Variants in SH3PXD2A observed in about 807,000 individuals in gnomAD.
SH3PXD2A encodes SH3 and PX domain-containing protein 2A.
Under a neutral mutation model 115.2 loss-of-function variants are expected in SH3PXD2A, and 32 were observed. That is an observed-to-expected ratio of 0.28 (90% CI 0.21 to 0.37). The LOEUF is 0.37. Ranked by LOEUF, SH3PXD2A falls within the 10% of genes least tolerant of loss-of-function variation. SH3PXD2A has a pLI of 1.00. For missense variants in SH3PXD2A, 1,328 were observed against 1,498.7 expected (o/e 0.89, Z 1.88); for synonymous variants, 610 against 629.1 (o/e 0.97, Z 0.45).
intron 1 of SH3PXD2A, among the ~76,000 whole-genome samples, chr10:103,852,461 G>A (rs890179624): frequency 1.6e-4 from 24 of 152,230 alleles, no homozygotes; most frequent in Admixed American, 3.3e-4. Context: ...CGCACATCCC[G>A]TAAAACCTCT....
At chr10:103,851,611 A>G (rs1842897377) in intron 1 of SH3PXD2A, among the ~76,000 whole-genome samples, 1 of 152,212 alleles carries the variant, frequency 6.6e-6, no homozygotes, top group Non-Finnish European at 1.5e-5. Flanking sequence ...AAGTTGGTGA[A>G]TTGCTCCAAG....
Position 103,759,943 on chromosome 10 carries a change from T to G in SH3PXD2A, c.229+7151A>C, listed in dbSNP as rs888100478. 2.0e-5 allele frequency among the ~76,000 whole-genome samples: 3 copies of G among 152,354 alleles called. No individual in the cohort carries two copies. The East Asian group carries it at 5.8e-4, about 29-fold the overall frequency. ...GGCACACTTCTGAGCCAATTCTCCC[T>G]GGGCCTCCTGCTGTTGTACATGTCT... is the stretch of plus-strand genomic sequence containing the variant. On this transcript the variant is annotated intron_variant, in intron 3 of 14. Transcript: ENST00000369774.
chr10:103,738,903 T>A lies in SH3PXD2A; in HGVS notation c.230-3095A>T, dbSNP rs1010238190. 2.0e-5 allele frequency among the ~76,000 whole-genome samples: 3 copies of A among 151,974 alleles called. 1 individual carries two copies. The highest frequency in any genetic ancestry group is 2.0e-4 in the Admixed American group (3 of 15,250). Reference sequence around the variant, plus strand: ...TCTGCCTCCCGGGTTCAAGCAATTCTCCTACTTCAGCCTCCCGAGTAGCTG... The same window carrying A: ...TCTGCCTCCCGGGTTCAAGCAATTCACCTACTTCAGCCTCCCGAGTAGCTG... On this transcript the variant is annotated intron_variant, in intron 3 of 14. Coordinates refer to ENST00000369774, the MANE Select transcript of SH3PXD2A (RefSeq NM_001394015.1).
intron 1 of SH3PXD2A, among the ~76,000 whole-genome samples, chr10:103,819,393 G>A (rs1160054960): frequency 2.6e-5 from 4 of 152,120 alleles, no homozygotes; most frequent in African/African-American, 9.7e-5. Context: ...GGTACCCTAG[G>A]CAAAAGAAAC....
At position 103,627,065 on chromosome 10, in the gene SH3PXD2A, C is replaced by A; in HGVS notation, c.718+24G>T. 7.4e-7 allele frequency: 1 copy of A among 1,350,124 alleles called. No homozygotes were observed. Among genetic ancestry groups the A allele is most frequent in the Non-Finnish European group, 1.1e-6 (1 of 939,162 alleles). The allele number at this position is 1,350,124 out of a possible 1,614,324, so 83.6% of individuals were successfully genotyped here. On this transcript the variant is annotated intron_variant, in intron 9 of 14. Coordinates refer to ENST00000369774, the MANE Select transcript of SH3PXD2A (RefSeq NM_001394015.1). This position sits in a 1 kb window ranked among gnomAD's most constrained non-coding sequence, Gnocchi z 4.4. The stretch of plus-strand genomic sequence containing the variant: ...CCTCCAGAGGCCGCGTTGCTCCCTG[C>A]CCCTTGGACCTGCAAGCCCTCACCT...
intron 6 of SH3PXD2A, among the ~76,000 whole-genome samples, chr10:103,677,577 T>C (rs1003724449): frequency 2.4e-4 from 37 of 152,186 alleles, no homozygotes; most frequent in African/African-American, 8.9e-4. Context: ...CAAGGTTTTC[T>C]GTCTCCCTTA....
chr10:103,609,628 G>C (rs1293662694), intron 13 of SH3PXD2A: 1 of 152,218 alleles, frequency 6.6e-6, no homozygotes, highest in Non-Finnish European at 1.5e-5. Flanking sequence ...AAGGCACCGA[G>C]CGCCCAGTAG....
Position 103,767,810 on chromosome 10 carries a change from G to T in SH3PXD2A, c.154-641C>A, listed in dbSNP as rs867416828. Among the ~76,000 whole-genome samples, 431 of 67,600 alleles carry T rather than the reference G, an allele frequency of 6.4e-3. 7 individuals carry two copies. Among genetic ancestry groups the T allele is most frequent in the African/African-American group, 0.016 (287 of 17,646 alleles). 44.3% of individuals were successfully genotyped at this position (67,600 alleles called of 152,430 possible). A position where few individuals can be genotyped will look rare whatever the true frequency, so the allele number is the denominator to read the frequency against. On this transcript the variant is annotated intron_variant, in intron 2 of 14. Coordinates refer to ENST00000369774, the MANE Select transcript of SH3PXD2A (RefSeq NM_001394015.1). The stretch of plus-strand genomic sequence containing the variant: ...AGGGTTCTGGAGGAACAACTGTTTT[G>T]TTTTTTTTTTTTTTTTTTTTTTTTG...
intron 2 of SH3PXD2A, among the ~76,000 whole-genome samples, chr10:103,795,906 G>T (rs2039081682): frequency 1.0e-5 from 1 of 95,602 alleles, no homozygotes; most frequent in African/African-American, 3.6e-5. Flanking sequence ...GGGAGGAAAA[G>T]GAAGGAAGGA....
At chr10:103,713,317 T>G (rs1381025128) in intron 5 of SH3PXD2A, among the ~76,000 whole-genome samples, 1 of 152,182 alleles carries the variant, frequency 6.6e-6, no homozygotes, top group Non-Finnish European at 1.5e-5. Context: ...GACTGTTGCA[T>G]GCTTGGACCA....
chr10:103,803,990 T>C (rs1335879313), intron 1 of SH3PXD2A, among the ~76,000 whole-genome samples: 2 of 152,210 alleles, frequency 1.3e-5, no homozygotes, highest in African/African-American at 2.4e-5. Flanking sequence ...CATACTCTGA[T>C]TGGCAATTGG....
intron 1 of SH3PXD2A, among the ~76,000 whole-genome samples, chr10:103,834,437 G>A (rs911262664): frequency 9.9e-5 from 15 of 152,242 alleles, no homozygotes; most frequent in African/African-American, 3.4e-4. Flanking sequence ...GTGGTCACAG[G>A]TGATGGCTAA....
chr10:103,790,159 CTTTT>C (rs1267623695), intron 2 of SH3PXD2A, among the ~76,000 whole-genome samples: 1 of 144,936 alleles, frequency 6.9e-6, no homozygotes, highest in Non-Finnish European at 1.5e-5. Context: ...AGAGGACTTT[CTTTT>C]TTTTTTTTTG....
At chr10:103,718,006 G>C (rs1002724237) in intron 5 of SH3PXD2A, among the ~76,000 whole-genome samples, 1 of 60,906 alleles carries the variant, frequency 1.6e-5, no homozygotes, top group Non-Finnish European at 2.9e-5. Context: ...GCTTCCATGT[G>C]TCTTTTTTTT....
At chr10:103,673,751 C>T (rs929297794) in intron 6 of SH3PXD2A, among the ~76,000 whole-genome samples, 2 of 152,122 alleles carry the variant, frequency 1.3e-5, no homozygotes, top group Non-Finnish European at 2.9e-5. Context: ...CTAATAAATC[C>T]AGAGTGGGCC....
intron 5 of SH3PXD2A, among the ~76,000 whole-genome samples, chr10:103,698,320 C>T (rs1023639248): frequency 1.7e-4 from 26 of 152,352 alleles, no homozygotes; most frequent in African/African-American, 6.3e-4. Flanking sequence ...CTGCCCGCCA[C>T]ACCCCTCACC....
chr10:103,751,730 TA>T (rs1231405300), intron 3 of SH3PXD2A, among the ~76,000 whole-genome samples: 1 of 152,120 alleles, frequency 6.6e-6, no homozygotes, highest in African/African-American at 2.4e-5. Context: ...CAGGCAGTGT[TA>T]AGGAAGGTTT....
chr10:103,847,558 AG>A (rs1310229973), intron 1 of SH3PXD2A, among the ~76,000 whole-genome samples: 1 of 152,128 alleles, frequency 6.6e-6, no homozygotes, highest in Non-Finnish European at 1.5e-5. Flanking sequence ...TCCTGGCCTC[AG>A]GTGATCCTCC....
chr10:103,614,893 C>T (rs1023569942), intron 11 of SH3PXD2A, among the ~76,000 whole-genome samples: 1 of 152,148 alleles, frequency 6.6e-6, no homozygotes, highest in African/African-American at 2.4e-5. Context: ...GGAGGTGGCT[C>T]CTTACGTTCT....
Sources: gnomAD v4.1 joint callset for allele counts (sites outside exome capture counted in the v4.1 genomes callset) on GRCh38, gnomAD v4.1.1 for gene constraint, Gnocchi (gnomAD v3.1) non-coding constraint, MANE v1.5 for transcripts, NCBI Gene and HGNC (gene_info 2026-07-23, HGNC 2026-07-21) for gene names.